SKIC3: variants seen among roughly 807,000 people sequenced by gnomAD.
SKIC3 encodes the protein SKI3 subunit of superkiller complex, also known as superkiller complex protein 3.
At chr5:95,490,720 G>C in the SKIC3 span, among the ~76,000 whole-genome samples, 2 of 151,916 alleles carry the variant, frequency 1.3e-5, no homozygotes, top group African/African-American at 4.8e-5. Context: ...GGATGGTCTC[G>C]ATCTCCTGAC....
chr5:95,501,253 GAC>G, the SKIC3 span, among the ~76,000 whole-genome samples: 1 of 152,096 alleles, frequency 6.6e-6, no homozygotes, highest in South Asian at 2.1e-4. Flanking sequence ...TGACTGAAAT[GAC>G]TACATTCTAG....
the SKIC3 span, among the ~76,000 whole-genome samples, chr5:95,477,851 T>C: frequency 7.9e-5 from 12 of 152,292 alleles, no homozygotes; most frequent in African/African-American, 2.9e-4. Flanking sequence ...TGTAAAACTT[T>C]CAGATTCATA....
At chr5:95,535,626 A>T in the SKIC3 span, among the ~76,000 whole-genome samples, 101 of 152,086 alleles carry the variant, frequency 6.6e-4, no homozygotes, top group African/African-American at 2.0e-3. Context: ...AGCATTTTTT[A>T]ATTCAGACAC....
chr5:95,514,918 A>G, the SKIC3 span: 1 of 1,612,326 alleles, frequency 6.2e-7, no homozygotes, highest in Non-Finnish European at 8.5e-7. Flanking sequence ...AAGCCTCATG[A>G]GCTTGCTAGG....
At chr5:95,513,780 C>A in the SKIC3 span, 312 of 722,534 alleles carry the variant, frequency 4.3e-4, no homozygotes, top group African/African-American at 5.1e-3. Flanking sequence ...TTTTTCACTT[C>A]TATTGTTATT....
chr5:95,469,467 T>A, the SKIC3 span, among the ~76,000 whole-genome samples: 1 of 152,232 alleles, frequency 6.6e-6, no homozygotes, highest in Non-Finnish European at 1.5e-5. Flanking sequence ...CATCACACTG[T>A]TGGTGCCTCC....
At chr5:95,472,635 CT>C in the SKIC3 span, among the ~76,000 whole-genome samples, 422 of 145,838 alleles carry the variant, frequency 2.9e-3, 1 homozygote, top group Middle Eastern at 0.011. Flanking sequence ...CTCCTGATGC[CT>C]TTTTTTTTTT....
chr5:95,539,413 T>C, the SKIC3 span, among the ~76,000 whole-genome samples: 1 of 152,098 alleles, frequency 6.6e-6, no homozygotes, highest in Admixed American at 6.5e-5. Context: ...ACCTTACTCC[T>C]GCAAGAATGA....
chr5:95,517,827 G>A, the SKIC3 span, among the ~76,000 whole-genome samples: 2 of 152,092 alleles, frequency 1.3e-5, no homozygotes, highest in Non-Finnish European at 2.9e-5. Flanking sequence ...ATGTTGAGAA[G>A]TAGGACCTTT....
chr5:95,537,005 C>T, the SKIC3 span: 1 of 1,601,664 alleles, frequency 6.2e-7, no homozygotes, highest in South Asian at 1.1e-5. Context: ...ATTAGAAATA[C>T]ATACAAGTCA....
chr5:95,505,483 G>T, the SKIC3 span, among the ~76,000 whole-genome samples: 1 of 152,086 alleles, frequency 6.6e-6, no homozygotes, highest in Non-Finnish European at 1.5e-5. Context: ...AGGGAATGTG[G>T]GTGCTTCCAC....
the SKIC3 span, among the ~76,000 whole-genome samples, chr5:95,517,624 T>G: frequency 1.3e-5 from 2 of 152,158 alleles, no homozygotes; most frequent in African/African-American, 4.8e-5. Flanking sequence ...AGGACCAATT[T>G]CCTTTTAATA....
At chr5:95,480,960 G>A in the SKIC3 span, among the ~76,000 whole-genome samples, 1 of 152,070 alleles carries the variant, frequency 6.6e-6, no homozygotes, top group African/African-American at 2.4e-5. Flanking sequence ...GGTGGGGGGA[G>A]TCAAGCAAGA....
the SKIC3 span, among the ~76,000 whole-genome samples, chr5:95,496,099 C>T: frequency 6.6e-6 from 1 of 151,864 alleles, no homozygotes; most frequent in African/African-American, 2.4e-5. Flanking sequence ...CTCACTGCAA[C>T]CTCCGCCTCC....
chr5:95,509,582 A>T, the SKIC3 span: 4 of 1,585,844 alleles, frequency 2.5e-6, no homozygotes, highest in Non-Finnish European at 3.5e-6. Context: ...ATCACAATTA[A>T]ATGTAGTTTA....
the SKIC3 span, chr5:95,482,447 C>CTCCTT: frequency 6.2e-7 from 1 of 1,611,598 alleles, no homozygotes; most frequent in Non-Finnish European, 8.5e-7. Context: ...TAATTGAGGA[C>CTCCTT]TCAAGTAAGA....
the SKIC3 span, among the ~76,000 whole-genome samples, chr5:95,524,957 C>T: frequency 1.3e-5 from 2 of 152,024 alleles, no homozygotes; most frequent in Non-Finnish European, 2.9e-5. Context: ...GGTCCTGGCT[C>T]ACTGCAACCT....
the SKIC3 span, among the ~76,000 whole-genome samples, chr5:95,547,908 T>C: frequency 2.0e-4 from 31 of 152,242 alleles, no homozygotes; most frequent in Admixed American, 7.9e-4. Flanking sequence ...TGTAGGTTTA[T>C]TACCTGTACT....
chr5:95,515,553 T>C, the SKIC3 span, among the ~76,000 whole-genome samples: 1 of 152,168 alleles, frequency 6.6e-6, no homozygotes, highest in African/African-American at 2.4e-5. Context: ...AGTAAGCTCA[T>C]GGGCAAAAAC....
Sources: gnomAD v4.1 joint callset for allele counts (sites outside exome capture counted in the v4.1 genomes callset) on GRCh38, gnomAD v4.1.1 for gene constraint, MANE v1.5 for transcripts, NCBI Gene and HGNC (gene_info 2026-07-23, HGNC 2026-07-21) for gene names.